SLC4A5: variants seen among roughly 807,000 people sequenced by gnomAD.
SLC4A5 encodes the protein solute carrier family 4 member 5.
SLC4A5 carries 96 observed loss-of-function variants against 120.4 expected under a neutral mutation model. That is an observed-to-expected ratio of 0.80 (90% CI 0.68 to 0.94). The LOEUF (loss-of-function observed/expected upper bound fraction) is 0.94, where lower values mean the gene tolerates loss of function less well. SLC4A5 is among the 40% of genes least tolerant of loss of function. The probability of loss-of-function intolerance (pLI) is 0.00; values close to 1 mark genes in which losing one functional copy is unlikely to be tolerated. For synonymous variants in SLC4A5, 550 were observed against 571.1 expected (o/e 0.96, Z 0.53); for missense variants, 1,259 against 1,459.5 (o/e 0.86, Z 2.24).
At chr2:74,272,205 T>C (rs1671495324) in intron 8 of SLC4A5, among the ~76,000 whole-genome samples, 2 of 152,104 alleles carry the variant, frequency 1.3e-5, no homozygotes, top group South Asian at 4.1e-4. Context: ...GGGTAGTAGG[T>C]GGGGGACAGA....
At position 74,233,383 on chromosome 2, in the gene SLC4A5, C is replaced by A. The variant is rs762383796; in HGVS notation, c.2595+19G>T. 1.2e-6 allele frequency: 2 copies of A among 1,613,864 alleles called. No individual in the cohort carries two copies. Among genetic ancestry groups the A allele is most frequent in the African/African-American group, 2.7e-5 (2 of 74,936 alleles). ...TGGGAAGAAAGAGGTTATGCCTCTG[C>A]TCCTAGTACCGGCCTTACCTTCAGT... On this transcript the variant is annotated intron_variant, in intron 23 of 30. Coordinates refer to ENST00000394019, the Ensembl canonical transcript of SLC4A5.
chr2:74,218,945 C>T (rs897060695), intron 30 of SLC4A5, among the ~76,000 whole-genome samples, 153 bp from the exon 31 acceptor site: 1 of 152,222 alleles, frequency 6.6e-6, no homozygotes, highest in Non-Finnish European at 1.5e-5. Flanking sequence ...GGCCTTCAGC[C>T]ATAGTCACGC....
chr2:74,327,460 C>T (rs907568969), intron 5 of SLC4A5, among the ~76,000 whole-genome samples: 1 of 152,228 alleles, frequency 6.6e-6, no homozygotes, highest in Non-Finnish European at 1.5e-5. Flanking sequence ...AGGCTACCCT[C>T]TCAACCCCTA....
intron 5 of SLC4A5, among the ~76,000 whole-genome samples, chr2:74,320,217 G>A (rs1673062631): frequency 2.0e-5 from 3 of 152,056 alleles, no homozygotes; most frequent in African/African-American, 4.8e-5. Flanking sequence ...TAAAAAAATA[G>A]TGGAGAGAAA....
At chr2:74,318,318 T>A (rs147728562) in intron 5 of SLC4A5, among the ~76,000 whole-genome samples, 1 of 152,200 alleles carries the variant, frequency 6.6e-6, no homozygotes, top group African/African-American at 2.4e-5. Context: ...ATGCTCAATA[T>A]TGCTAATCAT....
chr2:74,290,822 AC>A (rs1356281870), intron 7 of SLC4A5: 2 of 945,276 alleles, frequency 2.1e-6, no homozygotes, highest in Non-Finnish European at 1.3e-6. Context: ...CTGCCCCTTT[AC>A]CCCCTTCCCC....
chr2:74,252,326 C>T (rs1670819094), exon 16 of SLC4A5: 1 of 1,613,378 alleles, frequency 6.2e-7, no homozygotes, highest in Non-Finnish European at 8.5e-7. Flanking sequence ...TCCAGGAGCT[C>T]CGCCGCCTCC....
At chr2:74,340,568 G>A (rs1673601135) in intron 2 of SLC4A5, among the ~76,000 whole-genome samples, 1 of 152,162 alleles carries the variant, frequency 6.6e-6, no homozygotes, top group Non-Finnish European at 1.5e-5. Context: ...GATAAATGGG[G>A]TGGGTGTAGG....
At chr2:74,248,317 G>C in intron 18 of SLC4A5, 36 bp downstream of exon 18, 1 of 1,610,114 alleles carries the variant, frequency 6.2e-7, no homozygotes, top group Non-Finnish European at 8.5e-7. Context: ...CCCCAAATGC[G>C]AGAGCAGGCA....
intron 4 of SLC4A5, among the ~76,000 whole-genome samples, chr2:74,332,715 G>GCA (rs1673391556): frequency 2.0e-5 from 3 of 152,006 alleles, no homozygotes; most frequent in Non-Finnish European, 4.4e-5. Context: ...GTGTGTGTGT[G>GCA]TGTGTGTGTG....
intron 30 of SLC4A5, among the ~76,000 whole-genome samples, chr2:74,219,178 TG>T (rs1487890218): frequency 1.7e-4 from 5 of 29,382 alleles, no homozygotes; most frequent in Non-Finnish European, 3.2e-4. Context: ...TCTTTGGAGG[TG>T]TGTGTGTGTG....
intron 10 of SLC4A5, among the ~76,000 whole-genome samples, chr2:74,263,089 G>A (rs927290979): frequency 1.3e-5 from 2 of 152,188 alleles, no homozygotes; most frequent in Admixed American, 6.5e-5. Flanking sequence ...GCCCAGGCTG[G>A]AGTGCAATGG....
intron 14 of SLC4A5, among the ~76,000 whole-genome samples, chr2:74,253,440 T>C (rs945630185): frequency 1.3e-5 from 2 of 152,214 alleles, no homozygotes; most frequent in African/African-American, 2.4e-5. Context: ...TAGAAAACCT[T>C]TGTAGAGCCC....
intron 4 of SLC4A5, among the ~76,000 whole-genome samples, chr2:74,329,316 G>A (rs536655266): frequency 6.6e-6 from 1 of 152,214 alleles, no homozygotes; most frequent in African/African-American, 2.4e-5. Flanking sequence ...TTGGCCGGGT[G>A]TGGTGGCTCA....
chr2:74,275,126 G>A (rs1671598374), intron 8 of SLC4A5, among the ~76,000 whole-genome samples: 1 of 152,194 alleles, frequency 6.6e-6, no homozygotes, highest in Non-Finnish European at 1.5e-5. Flanking sequence ...GGCATTACAG[G>A]AGAAACACTC....
In SLC4A5 at chr2:74,255,856, AG is replaced by A; in HGVS notation, c.943del (p.Leu315Ter). ...CACGAACGCGATGAATGGCTGGTCT[AG>A]GAAGTCCACCTCGCCCACGAGCACG... On this transcript the variant is annotated frameshift_variant, in exon 13 of 31. Transcript: ENST00000394019. LOFTEE classifies it high-confidence loss of function. The surrounding 1 kb of genome is among the most constrained non-coding windows in gnomAD (Gnocchi z 4.0). 6.2e-7 allele frequency: 1 copy of A among 1,614,168 alleles called. No individual in the cohort carries two copies. Among genetic ancestry groups the A allele is most frequent in the Non-Finnish European group, 8.5e-7 (1 of 1,180,024 alleles).
chr2:74,289,998 T>C (rs1672106374), intron 7 of SLC4A5, among the ~76,000 whole-genome samples: 1 of 152,150 alleles, frequency 6.6e-6, no homozygotes, highest in Non-Finnish European at 1.5e-5. Context: ...CCTCATAATA[T>C]AGCCCTAACC....
chr2:74,231,409 C>T, intron 24 of SLC4A5, 101 bp from the exon 25 acceptor site: 1 of 1,108,768 alleles, frequency 9.0e-7, no homozygotes, highest in Non-Finnish European at 1.3e-6. Flanking sequence ...GTGTCCAAGG[C>T]CATGGCCTTG....
At chr2:74,242,108 C>G (rs1324086987) in intron 19 of SLC4A5, 56 bp from the exon 20 acceptor site, 1 of 1,499,410 alleles carries the variant, frequency 6.7e-7, no homozygotes, top group East Asian at 2.4e-5. Flanking sequence ...CTGGGAGCTG[C>G]ATTCCCAACC....
Sources: gnomAD v4.1 joint callset for allele counts (sites outside exome capture counted in the v4.1 genomes callset) on GRCh38, gnomAD v4.1.1 for gene constraint, Gnocchi (gnomAD v3.1) non-coding constraint, MANE v1.5 for transcripts, NCBI Gene and HGNC (gene_info 2026-07-23, HGNC 2026-07-21) for gene names.